Variants in CLCN1 observed in about 807,000 individuals in gnomAD.
CLCN1 encodes the protein chloride voltage-gated channel 1.
A neutral mutation model predicts 114.5 loss-of-function variants in CLCN1; 100 were observed. That is an observed-to-expected ratio of 0.87 (90% CI 0.74 to 1.03). The LOEUF (loss-of-function observed/expected upper bound fraction) is 1.03, where lower values mean the gene tolerates loss of function less well. CLCN1 is among the 50% of genes least tolerant of loss of function. CLCN1 has a pLI of 0.00. For synonymous variants in CLCN1, 485 were observed against 487.1 expected, an observed-to-expected ratio of 1.00 and a Z score of 0.06; for missense variants, 1,188 against 1,250.0, an observed-to-expected ratio of 0.95 and a Z score of 0.75.
At chr7:143,317,586 T>C (rs544073630) in intron 1 of CLCN1, among the ~76,000 whole-genome samples, 1 of 151,896 alleles carries the variant, frequency 6.6e-6, no homozygotes, top group East Asian at 1.9e-4. Flanking sequence ...TTTCTTTTTT[T>C]TTTTTTTAAC....
intron 1 of CLCN1, among the ~76,000 whole-genome samples, chr7:143,319,121 G>T (rs1272509114): frequency 6.6e-6 from 1 of 152,172 alleles, no homozygotes. Context: ...CTTCACATGT[G>T]GGGCAGGTAG....
At position 143,324,525 on chromosome 7, in the gene CLCN1, C is replaced by T. The variant is rs1802530325; in HGVS notation, c.853+33C>T. The T allele has an allele frequency of 6.5e-7, 1 of 1,537,228 alleles. No homozygotes were observed. The highest frequency in any genetic ancestry group is 9.0e-7 in the Non-Finnish European group (1 of 1,110,176). ...ATTGACCCCCTCCCCCATCAATCGG[C>T]TTGCCTGGCCTGGCTCCCAAAACAG... is the stretch of plus-strand genomic sequence containing the variant. On this transcript the variant is annotated intron_variant, in intron 7 of 22. Transcript: ENST00000343257. This position sits in a 1 kb window ranked among gnomAD's most constrained non-coding sequence, Gnocchi z 4.6.
At chr7:143,328,845 G>A (rs1165693941) in intron 7 of CLCN1, among the ~76,000 whole-genome samples, 3 of 151,932 alleles carry the variant, frequency 2.0e-5, no homozygotes, top group Non-Finnish European at 2.9e-5. Context: ...GTTCTCTTCT[G>A]TTCTCTTCTT....
At position 143,345,707 on chromosome 7, in the gene CLCN1, A is replaced by T; in HGVS notation, c.2117A>T (p.Glu706Val). ...CCCGGCGCGCCTCCAGGCCGGCCCG[A>T]GTCCTTCGCCTTTGTGGATGAGGAT... ...GLPGAPPGRP[E>V]SFAFVDEDED... is the part of the protein sequence containing the mutation. Residue 706 changes from glutamate (E) to valine (V), a missense_variant, in exon 17 of 23, where the codon GAG (glutamate) becomes GTG (valine). Transcript: ENST00000343257. The T allele has an allele frequency of 6.4e-7, 1 of 1,568,148 alleles. No individual in the cohort carries two copies. The highest frequency in any genetic ancestry group is 8.6e-7 in the Non-Finnish European group (1 of 1,158,084).
At chr7:143,346,030 TG>T (rs1357027799) in intron 17 of CLCN1, 109 bp from the exon 18 acceptor site, 1 of 863,276 alleles carries the variant, frequency 1.2e-6, no homozygotes. Context: ...ATTTCTGAAC[TG>T]GGGGGAAGAA....
chr7:143,343,705 CCTTT>C (rs113028192), intron 16 of CLCN1, among the ~76,000 whole-genome samples: 3 of 151,336 alleles, frequency 2.0e-5, no homozygotes, highest in East Asian at 1.9e-4. Context: ...TTTCTTCCTT[CCTTT>C]CTTTCTCTTT....
chr7:143,325,346 A>G (rs924305157), intron 7 of CLCN1, among the ~76,000 whole-genome samples: 1 of 152,270 alleles, frequency 6.6e-6, no homozygotes, highest in East Asian at 1.9e-4. Context: ...CAATCTTTTC[A>G]TAGAATCTTC....
rs965432063 is a variant in CLCN1 at position 143,324,558 on chromosome 7, C to G, written c.853+66C>G. The G allele has an allele frequency of 2.6e-5, 31 of 1,212,128 alleles. No homozygotes were observed. The highest frequency in any genetic ancestry group is 3.7e-5 in the Non-Finnish European group (30 of 815,832). 75.1% of individuals were successfully genotyped at this position (1,212,128 alleles called of 1,614,324 possible). On this transcript the variant is annotated intron_variant, in intron 7 of 22. Coordinates refer to ENST00000343257, the MANE Select transcript of CLCN1 (RefSeq NM_000083.3). This position sits in a 1 kb window ranked among gnomAD's most constrained non-coding sequence, Gnocchi z 4.6. The stretch of plus-strand genomic sequence containing the variant: ...GCCTGGCTCCCAAAACAGTTTTAAT[C>G]AGTATCCACAAGTGCTGGTATTACC...
At chr7:143,320,255 G>A (rs369588677) in intron 2 of CLCN1, among the ~76,000 whole-genome samples, 12 of 152,334 alleles carry the variant, frequency 7.9e-5, no homozygotes, top group East Asian at 5.8e-4. Context: ...GATTAGAGGC[G>A]TGAGCCACCA....
In CLCN1 at chr7:143,350,604, G is replaced by A. The variant is rs201861334; in HGVS notation, c.2545G>A (p.Ala849Thr). Residue 849 changes from alanine to threonine, a missense_variant, in exon 22 of 23, where the codon GCT becomes ACT. Coordinates refer to ENST00000343257, the MANE Select transcript of CLCN1 (RefSeq NM_000083.3). The surrounding 1 kb of genome is among the most constrained non-coding windows in gnomAD (Gnocchi z 5.1). ...GTTTTCACTCCTTGGCCTCCACCTCGCTTACGTGACCAGCATGGGGAAGCT... is the reference window on the plus strand; with the variant it reads ...GTTTTCACTCCTTGGCCTCCACCTCACTTACGTGACCAGCATGGGGAAGCT... Reference protein sequence around the residue: ...TLFSLLGLHLAYVTSMGKLRG... With the variant: ...TLFSLLGLHLTYVTSMGKLRG... The A allele has an allele frequency of 5.7e-4, 917 of 1,614,100 alleles. 1 individual carries two copies. Among genetic ancestry groups the A allele is most frequent in the Non-Finnish European group, 7.4e-4 (878 of 1,180,018 alleles).
At chr7:143,316,441 G>C in intron 1 of CLCN1, 49 bp downstream of exon 1, 7 of 1,538,284 alleles carry the variant, frequency 4.6e-6, no homozygotes, top group Non-Finnish European at 6.2e-6. Context: ...GGGAGACAGT[G>C]GTGCCAGAGA....
In CLCN1 at chr7:143,323,379, T is replaced by C; in HGVS notation, c.767T>C (p.Val256Ala). 1.2e-6 allele frequency: 2 copies of C among 1,610,300 alleles called. No individual in the cohort carries two copies. Among genetic ancestry groups the C allele is most frequent in the Non-Finnish European group, 1.7e-6 (2 of 1,177,296 alleles). The stretch of plus-strand genomic sequence containing the variant: ...AAATTCATGTCTGTGTTCTGCGGGG[T>C]ATATGAGGTAAGGTTGAGACAGTGA... Reference protein sequence around the residue: ...LSKFMSVFCGVYEQPYYYSDI... With the variant: ...LSKFMSVFCGAYEQPYYYSDI... The change falls in exon 6 of 23, where the codon GTA becomes GCA. Residue 256 changes from valine to alanine, a missense_variant. Physicochemically the swap from Val to Ala is moderately conservative, Grantham distance 64. Transcript: ENST00000343257.
At position 143,321,864 on chromosome 7, in the gene CLCN1, C is replaced by G. The variant is rs1266960517; in HGVS notation, c.696+16C>G. On this transcript the variant is annotated intron_variant, in intron 5 of 22. Transcript: ENST00000343257. The surrounding 1 kb of genome is among the most constrained non-coding windows in gnomAD (Gnocchi z 4.2). ...GGGGAAAGAGGTAGGCCTGGCATGA[C>G]TGAAGCCAGAGCTGGGAGGGGCCCT... 1.2e-6 allele frequency: 2 copies of G among 1,613,436 alleles called. No individual in the cohort carries two copies. Among genetic ancestry groups the G allele is most frequent in the Non-Finnish European group, 8.5e-7 (1 of 1,179,638 alleles).
chr7:143,350,975 G>A lies in CLCN1; in HGVS notation c.2595+321G>A, dbSNP rs1345763569. On this transcript the variant is annotated intron_variant, in intron 22 of 22. Transcript: ENST00000343257. This position sits in a 1 kb window ranked among gnomAD's most constrained non-coding sequence, Gnocchi z 5.1. The stretch of plus-strand genomic sequence containing the variant: ...GTATTTTTAGTAGAGACGGGGTTTT[G>A]CCATGTTGGGCAGGCTAGTCTCAAA... 6.6e-6 allele frequency among the ~76,000 whole-genome samples: 1 copy of A among 151,988 alleles called. No individual in the cohort carries two copies. Among genetic ancestry groups the A allele is most frequent in the Non-Finnish European group, 1.5e-5 (1 of 67,976 alleles).
chr7:143,323,168 G>A (rs942370932), intron 5 of CLCN1, 141 bp from the exon 6 acceptor site: 32 of 665,132 alleles, frequency 4.8e-5, no homozygotes, highest in Admixed American at 3.4e-4. Flanking sequence ...ATGAGGCCTC[G>A]TGAGGGCAGG....
At chr7:143,335,907 G>A (rs932366697) in intron 12 of CLCN1, among the ~76,000 whole-genome samples, 1 of 151,904 alleles carries the variant, frequency 6.6e-6, no homozygotes. Flanking sequence ...TGATCTGCCC[G>A]CCTCAGCCTC....
chr7:143,344,498 T>G (rs1337809360), intron 16 of CLCN1, among the ~76,000 whole-genome samples: 1 of 152,174 alleles, frequency 6.6e-6, no homozygotes, highest in African/African-American at 2.4e-5. Flanking sequence ...AATTCAAATA[T>G]TTTCCCAAAT....
chr7:143,351,976 C>T lies in CLCN1; in HGVS notation c.*11C>T, dbSNP rs201962518. The T allele has an allele frequency of 2.4e-5, 39 of 1,612,332 alleles. No homozygotes were observed. Among genetic ancestry groups the T allele is most frequent in the African/African-American group, 1.3e-5 (1 of 74,980 alleles). On this transcript the variant is annotated 3_prime_UTR_variant, in exon 23 of 23. Coordinates refer to ENST00000343257, the MANE Select transcript of CLCN1 (RefSeq NM_000083.3). The stretch of plus-strand genomic sequence containing the variant: ...GAACTGATCCTTTGACCCCCTCCCA[C>T]GACCTCCTCATAAAGACCGTGGAGA...
At chr7:143,341,658 A>G (rs1299089445) in intron 14 of CLCN1, among the ~76,000 whole-genome samples, 4 of 152,104 alleles carry the variant, frequency 2.6e-5, no homozygotes, top group Non-Finnish European at 5.9e-5. Context: ...AAAGCAAGGA[A>G]TGGATAGGAC....
Sources: allele counts gnomAD v4.1 joint callset (sites outside exome capture counted in the v4.1 genomes callset), GRCh38; gene constraint gnomAD v4.1.1; non-coding constraint Gnocchi (gnomAD v3.1); transcripts MANE v1.5; gene names NCBI Gene and HGNC (gene_info 2026-07-23, HGNC 2026-07-21).